PCDHGB2: variants seen among roughly 807,000 people sequenced by gnomAD.
PCDHGB2 encodes the protein protocadherin gamma-B2.
In PCDHGB2, 55 loss-of-function variants were observed where a neutral mutation model predicts 59.3. The ratio of observed to expected loss-of-function variants is 0.93; its 90% confidence interval spans 0.75 to 1.16. The LOEUF (loss-of-function observed/expected upper bound fraction) is 1.16. Among genes scored for constraint, PCDHGB2 ranks in the 50% most tolerant of loss-of-function variants. The probability of loss-of-function intolerance (pLI) is 0.00; values close to 1 mark genes in which losing one functional copy is unlikely to be tolerated. For missense variants in PCDHGB2, 1,228 were observed against 1,198.5 expected, an observed-to-expected ratio of 1.02 and a Z score of -0.36; for synonymous variants, 516 against 512.0, an observed-to-expected ratio of 1.01 and a Z score of -0.11.
chr5:141,410,269 G>A, intron 1 of PCDHGB2: 1 of 1,614,060 alleles, frequency 6.2e-7, no homozygotes, highest in Non-Finnish European at 8.5e-7. Flanking sequence ...CTGAACTGCA[G>A]TTTTACCTGG....
chr5:141,464,823 C>T (rs890811354), intron 1 of PCDHGB2, among the ~76,000 whole-genome samples: 5 of 151,986 alleles, frequency 3.3e-5, no homozygotes, highest in African/African-American at 1.2e-4. Flanking sequence ...ACTGTAGCCT[C>T]GCACTCCTGG....
In PCDHGB2 at chr5:141,486,709, C is replaced by G. The variant is rs1485764871; in HGVS notation, c.2422-8098C>G. ...CTTCCTCTTTCATCTCTCTGAACCC[C>G]CAGACAGGAGCTGTTCATGCTACTC... On this transcript the variant is annotated intron_variant, in intron 1 of 3. Coordinates refer to ENST00000522605, the MANE Select transcript of PCDHGB2 (RefSeq NM_018923.3). The surrounding 1 kb of genome is among the most constrained non-coding windows in gnomAD (Gnocchi z 5.0). 1 of 1,614,182 alleles carries G rather than the reference C, an allele frequency of 6.2e-7. No individual in the cohort carries two copies. Among genetic ancestry groups the G allele is most frequent in the Middle Eastern group, 1.6e-4 (1 of 6,062 alleles).
chr5:141,415,657 G>C, intron 1 of PCDHGB2: 1 of 1,576,238 alleles, frequency 6.3e-7, no homozygotes, highest in Non-Finnish European at 8.6e-7. Context: ...AAAAAAGATT[G>C]GTTTTTACTT....
At chr5:141,452,895 A>G (rs527695680) in intron 1 of PCDHGB2, among the ~76,000 whole-genome samples, 16 of 152,312 alleles carry the variant, frequency 1.1e-4, no homozygotes, top group African/African-American at 3.6e-4. Flanking sequence ...TTCCACTTTT[A>G]TTAGTTGGCA....
At chr5:141,441,820 G>A in intron 1 of PCDHGB2, 1 of 359,390 alleles carries the variant, frequency 2.8e-6, no homozygotes, top group Non-Finnish European at 5.5e-6. Flanking sequence ...CCCAGCTCTG[G>A]AGCGCAATGG....
At chr5:141,398,517 G>C (rs754431224) in intron 1 of PCDHGB2, 38 of 1,592,096 alleles carry the variant, frequency 2.4e-5, no homozygotes, top group Non-Finnish European at 3.1e-5. Flanking sequence ...ATGACCACAC[G>C]CCAAAATTCA....
intron 2 of PCDHGB2, among the ~76,000 whole-genome samples, chr5:141,501,700 C>T (rs936448354): frequency 6.6e-6 from 1 of 151,950 alleles, no homozygotes; most frequent in African/African-American, 2.4e-5. Flanking sequence ...AGGGTGATTC[C>T]GAGGATAAAA....
At chr5:141,384,379 G>A (rs1780024386) in intron 1 of PCDHGB2, 2 of 1,613,934 alleles carry the variant, frequency 1.2e-6, no homozygotes, top group Non-Finnish European at 8.5e-7. Context: ...CTTGGCCGAA[G>A]ACACCATCCA....
intron 1 of PCDHGB2, chr5:141,385,477 T>C: frequency 7.0e-7 from 1 of 1,433,254 alleles, no homozygotes; most frequent in Non-Finnish European, 9.1e-7. Context: ...GACACTTTAA[T>C]ATAGAACACA....
Position 141,505,350 on chromosome 5 carries a change from G to A in PCDHGB2, c.2481-43G>A, listed in dbSNP as rs367663588. ...AGAGGACAGGAGGGGCATGAGCTGT[G>A]CCGGCCTGGGAGTCTGTGCTCACCA... On this transcript the variant is annotated intron_variant, in intron 2 of 3. Transcript: ENST00000522605. The A allele has an allele frequency of 4.3e-6, 7 of 1,613,264 alleles. No homozygotes were observed. In the African/African-American group the frequency reaches 6.7e-5, roughly 15 times the overall value.
intron 1 of PCDHGB2, chr5:141,409,268 A>G (rs753457286): frequency 1.5e-5 from 24 of 1,613,896 alleles, no homozygotes; most frequent in Non-Finnish European, 2.0e-5. Context: ...CTCTGATCAG[A>G]TTTTGGAGAA....
At position 141,361,583 on chromosome 5, in the gene PCDHGB2, C is replaced by A; in HGVS notation, c.1448C>A (p.Pro483His). The change falls in exon 1 of 4, where the codon CCC becomes CAC. Residue 483 changes from proline to histidine, a missense_variant. Pro to His is a moderately conservative substitution (Grantham distance 77). This residue lies in a region of PCDHGB2 where 781 missense variants were observed against 721.6 expected (regional missense o/e 1.08). Coordinates refer to ENST00000522605, the MANE Select transcript of PCDHGB2 (RefSeq NM_018923.3). Reference sequence around the variant, plus strand: ...AGTGCCTCTGACCCTGACTTGGGCCCCAGTGGCCAAGTTTCCTACTCCATC... The same window carrying A: ...AGTGCCTCTGACCCTGACTTGGGCCACAGTGGCCAAGTTTCCTACTCCATC... The part of the protein sequence containing the change: ...QISASDPDLG[P>H]SGQVSYSIVA... 1 of 1,614,032 alleles carries A rather than the reference C, an allele frequency of 6.2e-7. No homozygotes were observed. Among genetic ancestry groups the A allele is most frequent in the Non-Finnish European group, 8.5e-7 (1 of 1,179,902 alleles).
chr5:141,491,047 G>A lies in PCDHGB2; in HGVS notation c.2422-3760G>A, dbSNP rs751761240. On this transcript the variant is annotated intron_variant, in intron 1 of 3. Coordinates refer to ENST00000522605, the MANE Select transcript of PCDHGB2 (RefSeq NM_018923.3). The surrounding 1 kb of genome is among the most constrained non-coding windows in gnomAD (Gnocchi z 6.9). Reference sequence around the variant, plus strand: ...CGTGGATGCTGATGCAGGCCACAATGCGTGGCTCTCCTACTCACTGTTGCC... The same window carrying A: ...CGTGGATGCTGATGCAGGCCACAATACGTGGCTCTCCTACTCACTGTTGCC... 4 of 1,614,054 alleles carry A rather than the reference G, an allele frequency of 2.5e-6. No homozygotes were observed. Among genetic ancestry groups the A allele is most frequent in the Non-Finnish European group, 3.4e-6 (4 of 1,180,034 alleles).
At chr5:141,393,792 C>A (rs757880855) in intron 1 of PCDHGB2, 1 of 1,613,908 alleles carries the variant, frequency 6.2e-7, no homozygotes, top group Non-Finnish European at 8.5e-7. Flanking sequence ...TGTGGGGGCA[C>A]TTCTGGGGAG....
chr5:141,485,242 C>A lies in PCDHGB2; in HGVS notation c.2422-9565C>A, dbSNP rs747029550. ...CTACCCTTTTGTTCCTCTTTTACCA[C>A]CTGGGTTACGTTTGTGGGCAGATCC... On this transcript the variant is annotated intron_variant, in intron 1 of 3. Transcript: ENST00000522605. This position sits in a 1 kb window ranked among gnomAD's most constrained non-coding sequence, Gnocchi z 5.7. 7.4e-5 allele frequency: 119 copies of A among 1,614,054 alleles called. No individual in the cohort carries two copies. The highest frequency in any genetic ancestry group is 3.3e-4 in the Middle Eastern group (2 of 6,084).
At chr5:141,428,358 G>A in intron 1 of PCDHGB2, 2 of 565,492 alleles carry the variant, frequency 3.5e-6, no homozygotes, top group South Asian at 1.9e-5. Context: ...TGATTTTGGC[G>A]GTCGCCTTGC....
chr5:141,483,870 G>C (rs548525439), intron 1 of PCDHGB2, among the ~76,000 whole-genome samples: 9 of 152,142 alleles, frequency 5.9e-5, no homozygotes, highest in Non-Finnish European at 1.3e-4. Context: ...TCCAGATCAG[G>C]ATGGATTTTT....
rs538474552 is a variant in PCDHGB2, at chr5:141,415,070, C to T, written c.2421+52514C>T. The T allele has an allele frequency of 2.0e-5, 32 of 1,613,398 alleles. No homozygotes were observed. The African/African-American group carries it at 3.9e-4, about 19-fold the overall frequency. On this transcript the variant is annotated intron_variant, in intron 1 of 3. Transcript: ENST00000522605. Reference sequence around the variant, plus strand: ...GGGGAGCACACGGGCGAGGTGCGCACGGCGCGAGCCCTGCTGGACAGAGAC... The same window carrying T: ...GGGGAGCACACGGGCGAGGTGCGCATGGCGCGAGCCCTGCTGGACAGAGAC...
chr5:141,487,880 G>T lies in PCDHGB2; in HGVS notation c.2422-6927G>T, dbSNP rs1008153773. ...ATTGGTGATCAAGAGCCAGGCTGTTGTGGAAGCATGATGATGGAATGTGGG... is the reference window on the plus strand; with the variant it reads ...ATTGGTGATCAAGAGCCAGGCTGTTTTGGAAGCATGATGATGGAATGTGGG... On this transcript the variant is annotated intron_variant, in intron 1 of 3. Transcript: ENST00000522605. The surrounding 1 kb of genome is among the most constrained non-coding windows in gnomAD (Gnocchi z 5.0). The T allele has an allele frequency of 3.8e-6, 3 of 784,896 alleles. No individual in the cohort carries two copies. Among genetic ancestry groups the T allele is most frequent in the Non-Finnish European group, 6.0e-6 (3 of 497,074 alleles). 48.6% of individuals were successfully genotyped at this position (784,896 alleles called of 1,614,324 possible).
Sources: gnomAD v4.1 joint callset for allele counts (sites outside exome capture counted in the v4.1 genomes callset) on GRCh38, gnomAD v4.1.1 for gene constraint, gnomAD v4.1.1 regional missense constraint, Gnocchi (gnomAD v3.1) non-coding constraint, MANE v1.5 for transcripts, NCBI Gene and HGNC (gene_info 2026-07-23, HGNC 2026-07-21) for gene names.